Variants in SDK1 observed in about 807,000 individuals in gnomAD.
SDK1 encodes sidekick cell adhesion molecule 1, also known as protein sidekick-1.
SDK1 carries 157 observed loss-of-function variants against 245.5 expected under a neutral mutation model. The observed-to-expected ratio is 0.64, with a 90% CI of 0.56 to 0.73. The LOEUF is 0.73. Ranked by LOEUF, SDK1 falls within the 30% of genes least tolerant of loss-of-function variation. The pLI is 0.00. For missense variants in SDK1, 3,583 were observed against 3,002.3 expected (o/e 1.19, Z -4.52); for synonymous variants, 1,647 against 1,278.5 (o/e 1.29, Z -6.15).
intron 40 of SDK1, among the ~76,000 whole-genome samples, chr7:4,224,176 T>C (rs763541189): frequency 6.6e-6 from 1 of 152,230 alleles, no homozygotes; most frequent in Non-Finnish European, 1.5e-5. Context: ...GTGACTCCGT[T>C]CTCACATTGC....
At chr7:3,665,956 C>T (rs1023086623) in intron 4 of SDK1, among the ~76,000 whole-genome samples, 16 of 152,146 alleles carry the variant, frequency 1.1e-4, no homozygotes, top group African/African-American at 3.9e-4. Flanking sequence ...CCCACAATTT[C>T]TCGGTTGGCT....
chr7:3,329,247 G>T (rs1437564636), intron 1 of SDK1, among the ~76,000 whole-genome samples: 1 of 152,074 alleles, frequency 6.6e-6, no homozygotes, highest in East Asian at 1.9e-4. Flanking sequence ...TCTAAACCAC[G>T]TCCATGAGGC....
At chr7:3,745,833 T>C (rs1562412932) in intron 4 of SDK1, among the ~76,000 whole-genome samples, 1 of 152,212 alleles carries the variant, frequency 6.6e-6, no homozygotes, top group Non-Finnish European at 1.5e-5. Flanking sequence ...TATGTTTATC[T>C]CTTGAGAAAA....
chr7:3,810,426 C>G (rs1330544285), intron 4 of SDK1, among the ~76,000 whole-genome samples: 1 of 152,084 alleles, frequency 6.6e-6, no homozygotes, highest in African/African-American at 2.4e-5. Flanking sequence ...AAAACTCCTC[C>G]TTCATGCCGT....
At chr7:4,107,271 G>A (rs963544633) in intron 22 of SDK1, among the ~76,000 whole-genome samples, 6 of 152,054 alleles carry the variant, frequency 3.9e-5, no homozygotes, top group African/African-American at 9.7e-5. Context: ...CCCGCCAGGC[G>A]TCTGTTTCCC....
intron 1 of SDK1, among the ~76,000 whole-genome samples, chr7:3,441,060 A>T (rs1404207370): frequency 1.3e-5 from 2 of 152,202 alleles, no homozygotes; most frequent in African/African-American, 2.4e-5. Context: ...ACCCTACTTC[A>T]TCTCATTACA....
intron 1 of SDK1, among the ~76,000 whole-genome samples, chr7:3,460,129 G>C (rs1780788726): frequency 6.6e-6 from 1 of 152,160 alleles, no homozygotes; most frequent in South Asian, 2.1e-4. Flanking sequence ...ATTGCTTCCT[G>C]AAGTGTTTCA....
rs6974891 is a variant in SDK1, at chr7:4,205,755, A to C, written c.5099-124A>C. On this transcript the variant is annotated intron_variant, in intron 35 of 44. Transcript: ENST00000404826. ...CCTAAGCCAGGGCGACGGCCCAGGGAAGAATCTCTCACATGGTTCCCAGCG... is the reference window on the plus strand; with the variant it reads ...CCTAAGCCAGGGCGACGGCCCAGGGCAGAATCTCTCACATGGTTCCCAGCG... The C allele has an allele frequency of 2.9e-3, 2,286 of 786,228 alleles. 42 individuals are homozygous for C. The African/African-American group carries it at 0.035, about 12-fold the overall frequency. The allele number at this position is 786,228 out of a possible 1,614,324, so 48.7% of individuals were successfully genotyped here. A position where few individuals can be genotyped will look rare whatever the true frequency, so the allele number is the denominator to read the frequency against.
chr7:4,047,143 G>A (rs1488834278), intron 17 of SDK1, among the ~76,000 whole-genome samples: 1 of 152,106 alleles, frequency 6.6e-6, no homozygotes. Flanking sequence ...TTAAAATTTA[G>A]AATGTTCCTT....
At chr7:4,152,177 G>A (rs1250034272) in intron 30 of SDK1, among the ~76,000 whole-genome samples, 2 of 152,212 alleles carry the variant, frequency 1.3e-5, no homozygotes, top group East Asian at 1.9e-4. Flanking sequence ...TGGCAGCCAA[G>A]AAATAAGGCA....
In SDK1 at chr7:4,208,237, G is replaced by A. The variant is rs375894303; in HGVS notation, c.5353G>A (p.Gly1785Arg). The A allele has an allele frequency of 3.5e-5, 56 of 1,614,024 alleles. No individual in the cohort carries two copies. The highest frequency in any genetic ancestry group is 3.3e-4 in the Middle Eastern group (2 of 5,984). Residue 1785 changes from glycine to arginine, a missense_variant, in exon 37 of 45, where the codon GGA becomes AGA. Gly to Arg is a moderately radical substitution (Grantham distance 125). Transcript: ENST00000404826. ...LVSISAFNAA[G>R]DGPKSDPQQG... Reference sequence around the variant, plus strand: ...CAGCATATCAGCCTTCAACGCCGCCGGAGATGGACCTAAGAGTGACCCCCA... The same window carrying A: ...CAGCATATCAGCCTTCAACGCCGCCAGAGATGGACCTAAGAGTGACCCCCA...
intron 1 of SDK1, among the ~76,000 whole-genome samples, chr7:3,566,854 A>G (rs982671220): frequency 1.3e-5 from 2 of 152,198 alleles, no homozygotes; most frequent in African/African-American, 4.8e-5. Context: ...ACCGAGAGAA[A>G]TAAGAATCGA....
At chr7:3,636,382 C>G (rs1583254125) in intron 2 of SDK1, among the ~76,000 whole-genome samples, 1 of 152,120 alleles carries the variant, frequency 6.6e-6, no homozygotes, top group South Asian at 2.1e-4. Flanking sequence ...TCCCCTGTAC[C>G]CACTAGTGGC....
chr7:3,410,829 C>T (rs995850308), intron 1 of SDK1, among the ~76,000 whole-genome samples: 2 of 151,910 alleles, frequency 1.3e-5, no homozygotes, highest in African/African-American at 2.4e-5. Flanking sequence ...TCAGGTGATC[C>T]GCCTGCCTCG....
intron 5 of SDK1, among the ~76,000 whole-genome samples, chr7:3,882,751 G>T (rs1293565382): frequency 6.6e-6 from 1 of 151,794 alleles, no homozygotes; most frequent in East Asian, 1.9e-4. Context: ...AAGCCAACTT[G>T]GCAGGGTCTC....
At chr7:4,203,136 A>C (rs1584435415) in intron 35 of SDK1, among the ~76,000 whole-genome samples, 1 of 152,228 alleles carries the variant, frequency 6.6e-6, no homozygotes, top group Admixed American at 6.5e-5. Context: ...GCAGGAGGCC[A>C]CGCCATAACC....
chr7:4,151,746 A>C (rs1475751201), intron 30 of SDK1, among the ~76,000 whole-genome samples: 2 of 152,218 alleles, frequency 1.3e-5, no homozygotes, highest in Non-Finnish European at 2.9e-5. Context: ...CCATGTGGAC[A>C]TGCAGCCCAG....
chr7:3,775,575 CTT>C (rs557596485), intron 4 of SDK1, among the ~76,000 whole-genome samples: 7 of 138,640 alleles, frequency 5.0e-5, no homozygotes, highest in Non-Finnish European at 1.1e-4. Flanking sequence ...CTTTTTTTTT[CTT>C]TTTTTTTTTT....
At chr7:4,208,686 C>T (rs536306167) in intron 37 of SDK1, among the ~76,000 whole-genome samples, 1 of 152,310 alleles carries the variant, frequency 6.6e-6, no homozygotes, top group African/African-American at 2.4e-5. Context: ...GGGTAGGCTC[C>T]TCGGGCAGTA....
Sources: gnomAD v4.1 joint callset for allele counts (sites outside exome capture counted in the v4.1 genomes callset) on GRCh38, gnomAD v4.1.1 for gene constraint, MANE v1.5 for transcripts, NCBI Gene and HGNC (gene_info 2026-07-23, HGNC 2026-07-21) for gene names.